Variants in PARD3B observed in about 807,000 individuals in gnomAD.
PARD3B encodes partitioning defective 3 homolog B.
PARD3B carries 103 observed loss-of-function variants against 130.2 expected under a neutral mutation model. The ratio of observed to expected loss-of-function variants is 0.79; its 90% CI spans 0.67 to 0.93. PARD3B has a LOEUF of 0.93. Among genes scored for constraint, PARD3B ranks in the 40% least tolerant of loss-of-function variants. The pLI is 0.00. For synonymous variants in PARD3B, 583 were observed against 553.2 expected, an observed-to-expected ratio of 1.05 and a Z score of -0.76; for missense variants, 1,609 against 1,499.2, an observed-to-expected ratio of 1.07 and a Z score of -1.21.
At position 205,021,762 on chromosome 2, in the gene PARD3B, A is replaced by G. The variant is rs1269768834; in HGVS notation, c.395-25819A>G. ...AGGAAACCAAGACTTAAGGAGGTTA[A>G]GGAATTGGGTCTAGTAATATATCAA... On this transcript the variant is annotated intron_variant, in intron 3 of 22. Coordinates refer to ENST00000406610, the MANE Select transcript of PARD3B (RefSeq NM_001302769.2). The surrounding 1 kb of genome is among the most constrained non-coding windows in gnomAD (Gnocchi z 4.5). Among the ~76,000 whole-genome samples, 1 of 152,068 alleles carries G rather than the reference A, an allele frequency of 6.6e-6. No individual in the cohort carries two copies. Among genetic ancestry groups the G allele is most frequent in the African/African-American group, 2.4e-5 (1 of 41,408 alleles).
chr2:204,794,197 A>G (rs2042290542), intron 2 of PARD3B, among the ~76,000 whole-genome samples: 1 of 152,246 alleles, frequency 6.6e-6, no homozygotes, highest in Non-Finnish European at 1.5e-5. Context: ...ACATTCCTAT[A>G]CAAAATTTAA....
chr2:204,684,217 A>G (rs1250470311), intron 1 of PARD3B, among the ~76,000 whole-genome samples: 1 of 152,210 alleles, frequency 6.6e-6, no homozygotes, highest in Admixed American at 6.5e-5. Flanking sequence ...TGCTTTTACA[A>G]ACTGAACTTG....
intron 2 of PARD3B, among the ~76,000 whole-genome samples, chr2:204,948,631 T>A (rs1010217422): frequency 2.6e-5 from 4 of 152,200 alleles, no homozygotes; most frequent in Non-Finnish European, 2.9e-5. Context: ...CAGACTCTTC[T>A]CCAGTTCCCC....
chr2:204,653,766 A>G (rs1256075491), intron 1 of PARD3B, among the ~76,000 whole-genome samples: 1 of 139,534 alleles, frequency 7.2e-6, no homozygotes, highest in African/African-American at 2.8e-5. Flanking sequence ...AGTCTGGGTG[A>G]TGGAGCAAGA....
rs1335225430 is a variant in PARD3B at position 205,033,475 on chromosome 2, G to A, written c.395-14106G>A. Among the ~76,000 whole-genome samples, 5 of 152,060 alleles carry A rather than the reference G, an allele frequency of 3.3e-5. No homozygotes were observed. In the South Asian group the frequency reaches 8.3e-4, roughly 25 times the overall value. ...AACACTCCCAAATTAAGGCTTTCTG[G>A]TAATGTTTTCTAACCGTATTCTGTA... On this transcript the variant is annotated intron_variant, in intron 3 of 22. Transcript: ENST00000406610.
chr2:205,371,360 C>T (rs185725267), intron 18 of PARD3B, among the ~76,000 whole-genome samples: 1 of 152,138 alleles, frequency 6.6e-6, no homozygotes, highest in Non-Finnish European at 1.5e-5. Context: ...GGCCTACTTT[C>T]TCTGGTGGTG....
intron 2 of PARD3B, among the ~76,000 whole-genome samples, chr2:204,885,180 A>G (rs148873200): frequency 0.013 from 1,975 of 152,278 alleles, 46 homozygotes; most frequent in East Asian, 0.11. Flanking sequence ...TCTGACTGGC[A>G]TGAGATGGTA....
chr2:205,406,796 G>A lies in PARD3B; in HGVS notation c.2741+5673G>A, dbSNP rs779627193. Among the ~76,000 whole-genome samples the A allele has an allele frequency of 4.7e-5, 7 of 149,850 alleles. No homozygotes were observed. The East Asian group carries it at 6.0e-4, about 13-fold the overall frequency. ...AGCGATTCTTCTGCCTCACCCTCCC[G>A]AGTAGCTGGGACTACAGGCACGCGC... On this transcript the variant is annotated intron_variant, in intron 19 of 22. Transcript: ENST00000406610.
chr2:204,679,528 A>G (rs570004136), intron 1 of PARD3B, among the ~76,000 whole-genome samples: 2 of 152,338 alleles, frequency 1.3e-5, no homozygotes, highest in South Asian at 4.1e-4. Flanking sequence ...TATCTTCACA[A>G]TAGTGAGCTT....
At chr2:204,962,559 A>G (rs566578518) in intron 2 of PARD3B, among the ~76,000 whole-genome samples, 4 of 152,342 alleles carry the variant, frequency 2.6e-5, no homozygotes, top group African/African-American at 2.4e-5. Context: ...TTGAGGGACT[A>G]GAACAGTGGT....
At chr2:204,947,446 TAAGTA>T (rs1363561588) in intron 2 of PARD3B, among the ~76,000 whole-genome samples, 2 of 152,054 alleles carry the variant, frequency 1.3e-5, no homozygotes, top group Non-Finnish European at 2.9e-5. Flanking sequence ...AGTTAGTAAA[TAAGTA>T]AAGTATGTTG....
In PARD3B at chr2:205,525,395, T is replaced by C. The variant is rs1286800658; in HGVS notation, c.3180+25364T>C. Among the ~76,000 whole-genome samples the C allele has an allele frequency of 6.6e-6, 1 of 152,188 alleles. No homozygotes were observed. Among genetic ancestry groups the C allele is most frequent in the Non-Finnish European group, 1.5e-5 (1 of 68,034 alleles). ...AATTCGGAGGATTAAGAGGTTTTTT[T>C]GTTTTTGTTTTTACATTGAAGATGT... On this transcript the variant is annotated intron_variant, in intron 21 of 22. Coordinates refer to ENST00000406610, the MANE Select transcript of PARD3B (RefSeq NM_001302769.2). The surrounding 1 kb of genome is among the most constrained non-coding windows in gnomAD (Gnocchi z 4.2).
At chr2:205,605,525 G>A (rs2054959450) in intron 22 of PARD3B, among the ~76,000 whole-genome samples, 2 of 152,048 alleles carry the variant, frequency 1.3e-5, no homozygotes, top group South Asian at 4.1e-4. Context: ...TCTTCTGTAG[G>A]GGTCCTCTCC....
chr2:204,642,555 A>G (rs545847421), intron 1 of PARD3B, among the ~76,000 whole-genome samples: 60 of 152,344 alleles, frequency 3.9e-4, no homozygotes, highest in Non-Finnish European at 7.2e-4. Context: ...GGCATAGGAC[A>G]TCCATATGAA....
intron 18 of PARD3B, among the ~76,000 whole-genome samples, chr2:205,312,294 C>G (rs1039712613): frequency 6.6e-6 from 1 of 152,162 alleles, no homozygotes; most frequent in Non-Finnish European, 1.5e-5. Context: ...AAAAGGCCAA[C>G]AACAGGCTAG....
At chr2:204,671,354 TG>T (rs1428284341) in intron 1 of PARD3B, among the ~76,000 whole-genome samples, 4 of 152,096 alleles carry the variant, frequency 2.6e-5, no homozygotes, top group African/African-American at 9.7e-5. Context: ...AGTGAGATGG[TG>T]GGGGGCACCT....
chr2:204,851,176 T>C (rs968813796), intron 2 of PARD3B, among the ~76,000 whole-genome samples: 1 of 152,210 alleles, frequency 6.6e-6, no homozygotes, highest in Non-Finnish European at 1.5e-5. Flanking sequence ...TTCCCATTTA[T>C]TAACCTTGGT....
intron 1 of PARD3B, among the ~76,000 whole-genome samples, chr2:204,647,930 CTTATT>C (rs1437039456): frequency 6.6e-6 from 1 of 151,220 alleles, no homozygotes; most frequent in African/African-American, 2.4e-5. Context: ...ATTATTTTGC[CTTATT>C]TTGAGTATTA....
intron 16 of PARD3B, among the ~76,000 whole-genome samples, chr2:205,273,998 G>A (rs943650665): frequency 7.9e-5 from 12 of 152,114 alleles, no homozygotes; most frequent in African/African-American, 2.9e-4. Flanking sequence ...CCATGAGTGT[G>A]TGTAATTACT....
Sources: gnomAD v4.1 joint callset for allele counts (sites outside exome capture counted in the v4.1 genomes callset) on GRCh38, gnomAD v4.1.1 for gene constraint, Gnocchi (gnomAD v3.1) non-coding constraint, MANE v1.5 for transcripts, NCBI Gene and HGNC (gene_info 2026-07-23, HGNC 2026-07-21) for gene names.